KLHL18: variants seen among roughly 807,000 people sequenced by gnomAD.
KLHL18 encodes the protein kelch like family member 18.
In KLHL18, 38 loss-of-function variants were observed where a neutral mutation model predicts 58.5. The ratio of observed to expected loss-of-function variants is 0.65; its 90% CI spans 0.50 to 0.85. The LOEUF (loss-of-function observed/expected upper bound fraction) is 0.85. Ranked by LOEUF, KLHL18 falls within the 40% of genes least tolerant of loss-of-function variation. The pLI is 0.00. For synonymous variants in KLHL18, 303 were observed against 301.9 expected (o/e 1.00, Z -0.04); for missense variants, 624 against 778.4 (o/e 0.80, Z 2.36).
chr3:47,317,731 A>G (rs1459194249), intron 1 of KLHL18, among the ~76,000 whole-genome samples: 1 of 152,202 alleles, frequency 6.6e-6, no homozygotes, highest in Non-Finnish European at 1.5e-5. Flanking sequence ...TTTAACCAAA[A>G]TTTGACCTAA....
intron 1 of KLHL18, among the ~76,000 whole-genome samples, chr3:47,318,882 G>A (rs1230981580): frequency 6.6e-6 from 1 of 152,160 alleles, no homozygotes; most frequent in Non-Finnish European, 1.5e-5. Flanking sequence ...CCATCAGATA[G>A]TGAGATTCCC....
chr3:47,304,013 A>C (rs1703083063), intron 1 of KLHL18, among the ~76,000 whole-genome samples: 1 of 151,864 alleles, frequency 6.6e-6, no homozygotes, highest in Non-Finnish European at 1.5e-5. Flanking sequence ...ATTTTTTTAG[A>C]GCAGTTTTAG....
chr3:47,306,239 T>A (rs1703145711), intron 1 of KLHL18, among the ~76,000 whole-genome samples: 1 of 152,178 alleles, frequency 6.6e-6, no homozygotes, highest in South Asian at 2.1e-4. Context: ...AATGTATTTT[T>A]AAATTTCCGT....
Position 47,319,789 on chromosome 3 carries a change from G to T in KLHL18, c.260+6G>T. Reference sequence around the variant, plus strand: ...ATGCAAGGAATGGACCCAAGGTACTGAATCCCACCATTAGGTTTCGCAGGC... The same window carrying T: ...ATGCAAGGAATGGACCCAAGGTACTTAATCCCACCATTAGGTTTCGCAGGC... On this transcript the variant is annotated splice_donor_region_variant and intron_variant, in intron 2 of 9. Transcript: ENST00000232766. The T allele has an allele frequency of 6.2e-7, 1 of 1,612,906 alleles. No individual in the cohort carries two copies. The highest frequency in any genetic ancestry group is 1.1e-5 in the South Asian group (1 of 90,976).
intron 1 of KLHL18, among the ~76,000 whole-genome samples, chr3:47,291,820 A>G (rs184019581): frequency 6.6e-6 from 1 of 152,386 alleles, no homozygotes; most frequent in Non-Finnish European, 1.5e-5. Context: ...CCAGCTTACT[A>G]CAGGTGATCA....
rs1270865548 is a variant in KLHL18, at chr3:47,287,478, TGTA to T, written c.129+4385_129+4387del. ...GTGTGTGTGTGTGTGTGTGTGTGTGTGTATTTTTTTTTCTCTCTTTTTTTTGAG... is the reference window on the plus strand; with the variant it reads ...GTGTGTGTGTGTGTGTGTGTGTGTGTTTTTTTTTTCTCTCTTTTTTTTGAG... On this transcript the variant is annotated intron_variant, in intron 1 of 9. Coordinates refer to ENST00000232766, the MANE Select transcript of KLHL18 (RefSeq NM_025010.5). 1.7e-3 allele frequency: 249 copies of T among 146,210 alleles called. 1 individual carries two copies. The highest frequency in any genetic ancestry group is 5.8e-3 in the African/African-American group (224 of 38,744). 9.1% of individuals were successfully genotyped at this position (146,210 alleles called of 1,614,324 possible). A position where few individuals can be genotyped will look rare whatever the true frequency, so the allele number is the denominator to read the frequency against.
intron 1 of KLHL18, among the ~76,000 whole-genome samples, chr3:47,299,568 T>C (rs1046528624): frequency 5.9e-5 from 9 of 152,028 alleles, no homozygotes; most frequent in Admixed American, 2.0e-4. Flanking sequence ...CTCACTCCTA[T>C]GATCTTACCT....
intron 1 of KLHL18, among the ~76,000 whole-genome samples, chr3:47,295,504 A>G (rs1253970272): frequency 1.3e-5 from 2 of 151,968 alleles, no homozygotes; most frequent in African/African-American, 4.8e-5. Flanking sequence ...GCTTTCTTCC[A>G]TATTTTCTTC....
intron 1 of KLHL18, among the ~76,000 whole-genome samples, chr3:47,312,905 ATTTTTTT>A (rs35710141): frequency 2.5e-5 from 3 of 117,874 alleles, no homozygotes; most frequent in East Asian, 2.3e-4. Flanking sequence ...ATACCTTTTA[ATTTTTTT>A]TTTTTTTTTT....
intron 1 of KLHL18, among the ~76,000 whole-genome samples, chr3:47,287,738 G>A (rs559890488): frequency 8.5e-5 from 13 of 152,134 alleles, no homozygotes; most frequent in Non-Finnish European, 1.8e-4. Context: ...GCCTGCCTCG[G>A]CCTCCCAAAG....
chr3:47,293,263 A>G (rs1344404390), intron 1 of KLHL18, among the ~76,000 whole-genome samples: 1 of 152,254 alleles, frequency 6.6e-6, no homozygotes, highest in African/African-American at 2.4e-5. Flanking sequence ...CATGGTTAAA[A>G]TGGTAAACTG....
rs1447298819 is a variant in KLHL18, at chr3:47,333,170, C to T, written c.614C>T (p.Ala205Val). 2 of 1,613,512 alleles carry T rather than the reference C, an allele frequency of 1.2e-6. No homozygotes were observed. The highest frequency in any genetic ancestry group is 8.5e-7 in the Non-Finnish European group (1 of 1,179,674). ...CTCTCATGACAGGTCTTTGAAGCTG[C>T]ATTGGCCTGGGTCAGATACGACCGG... is the stretch of plus-strand genomic sequence containing the variant. The part of the protein sequence containing the change: ...VKSEEQVFEA[A>V]LAWVRYDREQ... The change falls in exon 5 of 10, where the codon GCA becomes GTA. Residue 205 changes from alanine (A) to valine (V), a missense_variant. Physicochemically the swap from Ala to Val is moderately conservative, Grantham distance 64. Transcript: ENST00000232766.
rs749975189 is a variant in KLHL18 at position 47,343,590 on chromosome 3, C to T, written c.1374C>T (p.His458=). ...ACAACCACCACACAGCCACCTGGCA[C>T]CCTGCAGCTGGCATGCTCAACAAGC... ...EHYNHHTATW[H]PAAGMLNKRC... is the part of the protein sequence containing the mutation. The change falls in exon 10 of 10, where the codon CAC becomes CAT. Residue 458 remains histidine, a synonymous_variant. Coordinates refer to ENST00000232766, the MANE Select transcript of KLHL18 (RefSeq NM_025010.5). The T allele has an allele frequency of 1.2e-5, 20 of 1,613,852 alleles. No homozygotes were observed. The highest frequency in any genetic ancestry group is 2.2e-5 in the South Asian group (2 of 91,072).
chr3:47,311,752 CTGT>C (rs1174037206), intron 1 of KLHL18, among the ~76,000 whole-genome samples: 41 of 152,300 alleles, frequency 2.7e-4, no homozygotes, highest in African/African-American at 9.9e-4. Context: ...TATAAGTTAT[CTGT>C]TGACTGGTAG....
intron 9 of KLHL18, 130 bp from the exon 10 acceptor site, chr3:47,343,425 A>G: frequency 9.5e-7 from 1 of 1,051,312 alleles, no homozygotes; most frequent in South Asian, 1.5e-5. Flanking sequence ...GAATACTGGG[A>G]GAGCTCCTTG....
intron 4 of KLHL18, among the ~76,000 whole-genome samples, chr3:47,331,425 C>CTTTTT (rs71098479): frequency 2.7e-4 from 16 of 58,542 alleles, no homozygotes; most frequent in South Asian, 7.6e-4. Flanking sequence ...CATGCCAGGC[C>CTTTTT]TTTTTTTTTT....
chr3:47,316,202 A>G (rs527609206), intron 1 of KLHL18, among the ~76,000 whole-genome samples: 1 of 152,070 alleles, frequency 6.6e-6, no homozygotes, highest in Non-Finnish European at 1.5e-5. Context: ...ATAAAAGAAA[A>G]CCAATACCAA....
intron 7 of KLHL18, 159 bp downstream of exon 7, chr3:47,336,916 C>T: frequency 1.6e-6 from 1 of 627,064 alleles, no homozygotes; most frequent in Middle Eastern, 4.3e-4. Flanking sequence ...GGGAGCGAGC[C>T]CCCATCTGCT....
chr3:47,289,271 G>A (rs533094555), intron 1 of KLHL18, among the ~76,000 whole-genome samples: 62 of 152,302 alleles, frequency 4.1e-4, no homozygotes, highest in African/African-American at 1.3e-3. Flanking sequence ...GCTGGCATTA[G>A]TCTTCTCAGC....
Sources: allele counts gnomAD v4.1 joint callset (sites outside exome capture counted in the v4.1 genomes callset), GRCh38; gene constraint gnomAD v4.1.1; transcripts MANE v1.5; gene names NCBI Gene and HGNC (gene_info 2026-07-23, HGNC 2026-07-21).